The following MGAT4C variants were observed in gnomAD, a reference collection of about 807,000 sequenced individuals.
The protein encoded by MGAT4C is MGAT4 family member C, also known as alpha-1,3-mannosyl-glycoprotein 4-beta-N-acetylglucosaminyltransferase C.
A neutral mutation model predicts 40.1 loss-of-function variants in MGAT4C; 19 were observed. The ratio of observed to expected loss-of-function variants is 0.47; its 90% CI spans 0.33 to 0.70. The LOEUF (loss-of-function observed/expected upper bound fraction) is 0.70, where lower values mean the gene tolerates loss of function less well. MGAT4C is among the 30% of genes least tolerant of loss of function. The probability of loss-of-function intolerance (pLI) is 0.02; values close to 1 mark genes in which losing one functional copy is unlikely to be tolerated. For synonymous variants in MGAT4C, 181 were observed against 187.1 expected (o/e 0.97, Z 0.27); for missense variants, 491 against 563.2 (o/e 0.87, Z 1.30).
intron 2 of MGAT4C, among the ~76,000 whole-genome samples, chr12:86,491,561 T>G (rs1197817569): frequency 6.6e-6 from 1 of 151,982 alleles, no homozygotes; most frequent in African/African-American, 2.4e-5. Flanking sequence ...ATTATCTCAA[T>G]AGATGCAGAA....
intron 1 of MGAT4C, among the ~76,000 whole-genome samples, chr12:86,197,602 C>T (rs768558345): frequency 2.6e-5 from 4 of 152,270 alleles, no homozygotes; most frequent in Admixed American, 1.3e-4. Flanking sequence ...TCCCAGACTT[C>T]CAGGCTCCAG....
At chr12:86,735,267 C>T (rs1211691553) in intron 1 of MGAT4C, among the ~76,000 whole-genome samples, 2 of 151,706 alleles carry the variant, frequency 1.3e-5, no homozygotes, top group African/African-American at 2.4e-5. Flanking sequence ...TGACTAATCC[C>T]GAGAGAGGGT....
intron 1 of MGAT4C, among the ~76,000 whole-genome samples, chr12:86,148,828 C>G (rs1178683079): frequency 1.3e-5 from 2 of 152,118 alleles, no homozygotes; most frequent in Admixed American, 6.6e-5. Flanking sequence ...ACTCTAAGAG[C>G]CTTGAGCTTG....
At chr12:86,678,909 T>C (rs892697448) in intron 2 of MGAT4C, among the ~76,000 whole-genome samples, 3 of 152,118 alleles carry the variant, frequency 2.0e-5, no homozygotes, top group Non-Finnish European at 4.4e-5. Context: ...TGTGTCTTTA[T>C]AGCAGCATGA....
Position 86,394,597 on chromosome 12 carries a change from T to G in MGAT4C, c.-120+40560A>C, listed in dbSNP as rs560529845. On this transcript the variant is annotated intron_variant, in intron 3 of 7. Transcript: ENST00000548651. ...TATATATGTGTATAAAATATTTATA[T>G]ATTTTATATATATATACTTTATATA... 3.7e-4 allele frequency among the ~76,000 whole-genome samples: 51 copies of G among 139,568 alleles called. No homozygotes were observed. The South Asian group carries it at 8.5e-3, about 23-fold the overall frequency. The allele number at this position is 139,568 out of a possible 152,430, so 91.6% of individuals were successfully genotyped here. A position where few individuals can be genotyped will look rare whatever the true frequency, so the allele number is the denominator to read the frequency against.
At chr12:86,252,795 C>T (rs1257732627) in intron 1 of MGAT4C, among the ~76,000 whole-genome samples, 1 of 151,774 alleles carries the variant, frequency 6.6e-6, no homozygotes, top group Non-Finnish European at 1.5e-5. Flanking sequence ...CATACTATTA[C>T]CAGCAAATAA....
chr12:86,042,778 G>A (rs1235156228), intron 2 of MGAT4C, among the ~76,000 whole-genome samples: 1 of 147,050 alleles, frequency 6.8e-6, no homozygotes, highest in African/African-American at 2.5e-5. Flanking sequence ...TGAGGCAGGA[G>A]AATGGTGTGA....
At chr12:86,545,828 C>T (rs1959190177) in intron 2 of MGAT4C, among the ~76,000 whole-genome samples, 2 of 151,604 alleles carry the variant, frequency 1.3e-5, no homozygotes, top group Admixed American at 6.6e-5. Flanking sequence ...AGGCTCACAA[C>T]ACCAAAAAAT....
chr12:86,532,061 T>C (rs1163282476), intron 2 of MGAT4C, among the ~76,000 whole-genome samples: 1 of 151,950 alleles, frequency 6.6e-6, no homozygotes, highest in African/African-American at 2.4e-5. Flanking sequence ...ATCATAGTCA[T>C]TTTTATAGAT....
chr12:86,013,808 T>G (rs1245200926), intron 2 of MGAT4C: 1 of 885,420 alleles, frequency 1.1e-6, no homozygotes, highest in East Asian at 1.2e-4. Context: ...TTTTCTCTCC[T>G]ACTCCCATAA....
intron 2 of MGAT4C, among the ~76,000 whole-genome samples, chr12:86,691,929 T>C (rs957127981): frequency 1.3e-5 from 2 of 152,122 alleles, no homozygotes; most frequent in Non-Finnish European, 2.9e-5. Context: ...TCTGAGTATA[T>C]ACAGATAATT....
chr12:86,163,520 CCTT>C (rs1398756298), intron 1 of MGAT4C, among the ~76,000 whole-genome samples: 6 of 152,068 alleles, frequency 3.9e-5, no homozygotes, highest in African/African-American at 1.4e-4. Context: ...GAAAACCAGA[CCTT>C]CTCCATTTCA....
intron 3 of MGAT4C, among the ~76,000 whole-genome samples, chr12:86,370,687 G>A (rs1213845752): frequency 6.6e-6 from 1 of 152,030 alleles, no homozygotes; most frequent in Non-Finnish European, 1.5e-5. Flanking sequence ...CAATAAAGTA[G>A]CTCTACTGCT....
At chr12:86,098,761 T>C (rs937577133) in intron 1 of MGAT4C, among the ~76,000 whole-genome samples, 2 of 151,678 alleles carry the variant, frequency 1.3e-5, no homozygotes, top group Non-Finnish European at 3.0e-5. Flanking sequence ...AACTTATATA[T>C]TGCATGTATT....
At chr12:86,225,168 A>G (rs145686284) in intron 1 of MGAT4C, among the ~76,000 whole-genome samples, 60 of 152,212 alleles carry the variant, frequency 3.9e-4, no homozygotes, top group African/African-American at 1.2e-3. Context: ...AACAACTGTT[A>G]TATGCTAACA....
intron 2 of MGAT4C, among the ~76,000 whole-genome samples, chr12:86,594,089 T>C (rs6538046): frequency 0.71 from 107,764 of 152,050 alleles, 39,353 homozygotes; most frequent in Middle Eastern, 0.8. Context: ...GTGTCCAAGG[T>C]AGATCGTCTG....
At chr12:86,554,585 C>T (rs1959521225) in intron 2 of MGAT4C, among the ~76,000 whole-genome samples, 1 of 152,164 alleles carries the variant, frequency 6.6e-6, no homozygotes, top group South Asian at 2.1e-4. Context: ...TTGTCTTCAA[C>T]TTACATATTA....
chr12:86,461,345 A>G (rs1488610939), intron 2 of MGAT4C, among the ~76,000 whole-genome samples: 2 of 148,374 alleles, frequency 1.3e-5, no homozygotes, highest in South Asian at 2.1e-4. Flanking sequence ...TCCCGGGTTC[A>G]CGCCATTCTC....
chr12:86,296,920 G>A (rs1257063174), intron 4 of MGAT4C, among the ~76,000 whole-genome samples: 2 of 152,256 alleles, frequency 1.3e-5, no homozygotes, highest in African/African-American at 2.4e-5. Flanking sequence ...CAGAGCGAGC[G>A]AGGGCTGTGA....
Sources: allele counts gnomAD v4.1 joint callset (sites outside exome capture counted in the v4.1 genomes callset), GRCh38; gene constraint gnomAD v4.1.1; transcripts MANE v1.5; gene names NCBI Gene and HGNC (gene_info 2026-07-23, HGNC 2026-07-21).